Variants in PAK1 observed in about 807,000 individuals in gnomAD.
PAK1 encodes the protein p21 (RAC1) activated kinase 1.
In PAK1, 29 loss-of-function variants were observed where a neutral mutation model predicts 67.4. The ratio of observed to expected loss-of-function variants is 0.43; its 90% CI spans 0.32 to 0.59. PAK1 has a LOEUF of 0.59. Ranked by LOEUF, PAK1 falls within the 20% of genes least tolerant of loss-of-function variation. The pLI, the probability that PAK1 is intolerant of heterozygous loss-of-function variation, is 0.07. For synonymous variants in PAK1, 223 were observed against 237.4 expected (o/e 0.94, Z 0.56); for missense variants, 337 against 670.7 (o/e 0.50, Z 5.50).
the PAK1 span, among the ~76,000 whole-genome samples, chr11:77,511,561 T>C: frequency 4.6e-5 from 7 of 152,180 alleles, no homozygotes; most frequent in African/African-American, 1.7e-4. Flanking sequence ...CAGAAAATAC[T>C]TCCCAACACT....
At chr11:77,437,449 G>T (rs576280328) in intron 1 of PAK1, among the ~76,000 whole-genome samples, 1 of 152,118 alleles carries the variant, frequency 6.6e-6, no homozygotes, top group South Asian at 2.1e-4. Flanking sequence ...TGCTAAATAA[G>T]ATTATAATAA....
In PAK1 at chr11:77,405,194, G is replaced by A. The variant is rs567946834; in HGVS notation, c.-21-12653C>T. Among the ~76,000 whole-genome samples, 13 of 152,344 alleles carry A rather than the reference G, an allele frequency of 8.5e-5. No homozygotes were observed. The South Asian group carries it at 2.7e-3, about 32-fold the overall frequency. On this transcript the variant is annotated intron_variant, in intron 1 of 14. Coordinates refer to ENST00000356341, the MANE Select transcript of PAK1 (RefSeq NM_002576.5). The stretch of plus-strand genomic sequence containing the variant: ...CAGCAAAAAGACTGGCAAGACTAAA[G>A]TTGAGTAAACAAAGAGAAATATGGT...
chr11:77,493,403 C>T, the PAK1 span, among the ~76,000 whole-genome samples: 749 of 149,940 alleles, frequency 5.0e-3, 2 homozygotes, highest in Middle Eastern at 0.067. Flanking sequence ...CTCAGCCTCC[C>T]GAGTAGCTGG....
chr11:77,515,491 G>A, the PAK1 span, among the ~76,000 whole-genome samples: 3 of 152,078 alleles, frequency 2.0e-5, no homozygotes, highest in Non-Finnish European at 2.9e-5. Flanking sequence ...CCTGTGTTAC[G>A]GGATGGTTTT....
intron 6 of PAK1, among the ~76,000 whole-genome samples, chr11:77,357,859 T>C (rs190870804): frequency 5.9e-5 from 9 of 152,252 alleles, no homozygotes; most frequent in African/African-American, 1.9e-4. Context: ...ACATATGGAT[T>C]TCCTCTACTT....
chr11:77,500,522 C>T, the PAK1 span, among the ~76,000 whole-genome samples: 5 of 152,030 alleles, frequency 3.3e-5, no homozygotes, highest in Admixed American at 1.3e-4. Context: ...TCCAATTCCA[C>T]GTCTTGTGGA....
the PAK1 span, among the ~76,000 whole-genome samples, chr11:77,486,352 A>G: frequency 6.6e-6 from 1 of 152,104 alleles, no homozygotes; most frequent in East Asian, 1.9e-4. Flanking sequence ...AAAAAAGTTG[A>G]CAATTGCAGA....
intron 7 of PAK1, among the ~76,000 whole-genome samples, chr11:77,354,948 C>G (rs1157489374): frequency 2.0e-5 from 3 of 152,082 alleles, no homozygotes; most frequent in Non-Finnish European, 4.4e-5. Flanking sequence ...CCTAACATAC[C>G]CCCATTTCTG....
the PAK1 span, among the ~76,000 whole-genome samples, chr11:77,504,907 G>A: frequency 4.6e-5 from 7 of 152,308 alleles, no homozygotes; most frequent in South Asian, 2.1e-4. Context: ...ACAATTGTGT[G>A]AGGGAAATTT....
At chr11:77,454,251 C>T (rs911695953) in intron 1 of PAK1, among the ~76,000 whole-genome samples, 3 of 152,164 alleles carry the variant, frequency 2.0e-5, no homozygotes, top group African/African-American at 4.8e-5. Context: ...GAGCCCGAAG[C>T]TCAATGAGGT....
At chr11:77,354,661 A>G (rs1047397591) in intron 7 of PAK1, among the ~76,000 whole-genome samples, 3 of 152,218 alleles carry the variant, frequency 2.0e-5, no homozygotes, top group African/African-American at 7.2e-5. Flanking sequence ...TTACTTTGTC[A>G]TTTTATGAGG....
chr11:77,340,898 T>C (rs1943499137), intron 10 of PAK1, 135 bp from the exon 11 acceptor site: 2 of 660,824 alleles, frequency 3.0e-6, no homozygotes, highest in South Asian at 1.8e-5. Flanking sequence ...GTTCTTTACT[T>C]TGGGGAAAAG....
In PAK1 at chr11:77,388,623, G is replaced by A. The variant is rs1345255163; in HGVS notation, c.190+3708C>T. Among the ~76,000 whole-genome samples, 2 of 152,190 alleles carry A rather than the reference G, an allele frequency of 1.3e-5. 1 individual carries two copies. Among genetic ancestry groups the A allele is most frequent in the Non-Finnish European group, 2.9e-5 (2 of 68,050 alleles). On this transcript the variant is annotated intron_variant, in intron 2 of 14. Transcript: ENST00000356341. ...CCGCCTCGGCCTCCCAAAGTGGTGG[G>A]ATTACAGGCATGAGCCACCGTGCCT...
At chr11:77,389,623 C>T (rs1019151246) in intron 2 of PAK1, among the ~76,000 whole-genome samples, 1 of 152,192 alleles carries the variant, frequency 6.6e-6, no homozygotes, top group Non-Finnish European at 1.5e-5. Flanking sequence ...TTTGAGAATC[C>T]TTTCATGTGC....
chr11:77,420,318 G>A (rs1592404777), intron 1 of PAK1, among the ~76,000 whole-genome samples: 2 of 152,290 alleles, frequency 1.3e-5, no homozygotes, highest in East Asian at 1.9e-4. Context: ...ACCACTTATT[G>A]AACATATTCT....
chr11:77,498,857 T>C, the PAK1 span, among the ~76,000 whole-genome samples: 16 of 151,980 alleles, frequency 1.1e-4, no homozygotes, highest in African/African-American at 3.9e-4. Context: ...CACGCCACCA[T>C]GCCAAGCTAA....
intron 1 of PAK1, among the ~76,000 whole-genome samples, chr11:77,392,791 G>A (rs111735037): frequency 0.032 from 4,890 of 152,230 alleles, 133 homozygotes; most frequent in African/African-American, 0.074. Context: ...GCAAAGCACG[G>A]AAAACCATTA....
chr11:77,368,821 T>A (rs1947979716), intron 5 of PAK1, among the ~76,000 whole-genome samples: 1 of 152,166 alleles, frequency 6.6e-6, no homozygotes, highest in Admixed American at 6.5e-5. Context: ...CAAGCCCAGC[T>A]AATTTTTTTG....
chr11:77,341,067 C>T (rs1943521931), intron 10 of PAK1, among the ~76,000 whole-genome samples: 1 of 152,140 alleles, frequency 6.6e-6, no homozygotes, highest in Admixed American at 6.5e-5. Context: ...CAAAGGAAGA[C>T]ATCCTAAAAT....
Sources: allele counts gnomAD v4.1 joint callset (sites outside exome capture counted in the v4.1 genomes callset), GRCh38; gene constraint gnomAD v4.1.1; transcripts MANE v1.5; gene names NCBI Gene and HGNC (gene_info 2026-07-23, HGNC 2026-07-21).